GNAS: variants seen among roughly 807,000 people sequenced by gnomAD.
GNAS encodes the protein protein ALEX.
A neutral mutation model predicts 54.5 loss-of-function variants in GNAS; 8 were observed. That is an observed-to-expected ratio of 0.15 (90% CI 0.09 to 0.26). The LOEUF is 0.26. Among genes scored for constraint, GNAS ranks in the 10% least tolerant of loss-of-function variants. The pLI is 1.00. For synonymous variants in GNAS, 204 were observed against 191.4 expected, an observed-to-expected ratio of 1.07 and a Z score of -0.54; for missense variants, 170 against 529.8, an observed-to-expected ratio of 0.32 and a Z score of 6.67.
intron 1 of GNAS, among the ~76,000 whole-genome samples, chr20:58,869,226 A>G (rs1052481417): frequency 6.6e-6 from 1 of 152,198 alleles, no homozygotes; most frequent in Non-Finnish European, 1.5e-5. Flanking sequence ...AGTTTTTCTC[A>G]ATTGAAAAAA....
Position 58,841,507 on chromosome 20 carries a change from G to T in GNAS, c.43+621G>T. 1.0e-6 allele frequency: 1 copy of T among 991,910 alleles called. No homozygotes were observed. Among genetic ancestry groups the T allele is most frequent in the Non-Finnish European group, 1.2e-6 (1 of 834,626 alleles). 61.4% of individuals were successfully genotyped at this position (991,910 alleles called of 1,614,324 possible). A position where few individuals can be genotyped will look rare whatever the true frequency, so the allele number is the denominator to read the frequency against. On this transcript the variant is annotated intron_variant, in intron 1 of 12. Transcript: ENST00000306090. The surrounding 1 kb of genome is among the most constrained non-coding windows in gnomAD (Gnocchi z 5.0). Reference sequence around the variant, plus strand: ...CCCAGAGCTGACAATTAAGCCGCGGGACCTCCGCGCCAGTGCCTCCAGCTG... The same window carrying T: ...CCCAGAGCTGACAATTAAGCCGCGGTACCTCCGCGCCAGTGCCTCCAGCTG...
chr20:58,840,123 G>T, upstream of GNAS: 1 of 1,611,362 alleles, frequency 6.2e-7, no homozygotes. The surrounding 1 kb of genome is among the most constrained non-coding windows in gnomAD (Gnocchi z 6.0). Context: ...CGGAGGTCCC[G>T]GGCTCAGCAG....
rs73129570 is a variant in GNAS at position 58,868,874 on chromosome 20, A to G, written c.44-26738A>G. On this transcript the variant is annotated intron_variant, in intron 1 of 12. Coordinates refer to the GNAS transcript ENST00000306090. The stretch of plus-strand genomic sequence containing the variant: ...GGAAACAATGAAAGAAAGCAAGGCT[A>G]CTCAGAACCGGCTGGCAGATGGCGC... 9.0e-3 allele frequency among the ~76,000 whole-genome samples: 1,378 copies of G among 152,298 alleles called. 12 individuals carry two copies. The highest frequency in any genetic ancestry group is 0.015 in the Non-Finnish European group (1,009 of 68,024).
intron 1 of GNAS, 85 bp downstream of exon 1, chr20:58,891,950 G>A (rs1454129322): frequency 3.6e-6 from 3 of 844,726 alleles, no homozygotes; most frequent in Admixed American, 6.4e-5. Context: ...CCCGCCCCCC[G>A]CCCCGGGCGC....
intron 2 of GNAS, among the ~76,000 whole-genome samples, chr20:58,896,104 C>T (rs571599340): frequency 6.6e-6 from 1 of 152,302 alleles, no homozygotes; most frequent in Admixed American, 6.5e-5. Flanking sequence ...CCCCACCCCA[C>T]CTCACGCAGA....
chr20:58,883,044 AG>A (rs1307810462), intron 1 of GNAS: 1 of 152,104 alleles, frequency 6.6e-6, no homozygotes, highest in Non-Finnish European at 1.5e-5. Context: ...GAAAAAAAAA[AG>A]TTCGTCATTA....
intron 1 of GNAS, chr20:58,843,486 G>A (rs1162817825): frequency 6.6e-6 from 1 of 152,254 alleles, no homozygotes; most frequent in African/African-American, 2.4e-5. Context: ...CTGGCCCTTT[G>A]CCCCACCCTG....
Position 58,853,280 on chromosome 20 carries a change from C to T in GNAS, c.43+12394C>T. Reference sequence around the variant, plus strand: ...GCCACCGTGTTATGGGCGTGCGCAACTGCCTCTACGGCAATAATATGTCAG... The same window carrying T: ...GCCACCGTGTTATGGGCGTGCGCAATTGCCTCTACGGCAATAATATGTCAG... On this transcript the variant is annotated intron_variant, in intron 1 of 12. Transcript: ENST00000306090. The surrounding 1 kb of genome is among the most constrained non-coding windows in gnomAD (Gnocchi z 4.4). 2 of 1,547,638 alleles carry T rather than the reference C, an allele frequency of 1.3e-6. No individual in the cohort carries two copies. Among genetic ancestry groups the T allele is most frequent in the Non-Finnish European group, 1.7e-6 (2 of 1,144,688 alleles).
chr20:58,878,876 T>G (rs1272122186), intron 1 of GNAS, among the ~76,000 whole-genome samples: 1 of 145,192 alleles, frequency 6.9e-6, no homozygotes, highest in Non-Finnish European at 1.5e-5. Context: ...AGAAAGAGTT[T>G]TAATGCAGAG....
intron 3 of GNAS, 35 bp from the exon 4 acceptor site, chr20:58,903,496 A>G (rs1569015157): frequency 6.4e-7 from 1 of 1,551,730 alleles, no homozygotes; most frequent in Non-Finnish European, 8.9e-7. Flanking sequence ...GACATGGTGC[A>G]ATATGATTTT....
rs968287079 is a variant in GNAS, at chr20:58,863,372, G to T, written c.43+22486G>T. On this transcript the variant is annotated intron_variant, in intron 1 of 12. Coordinates refer to the GNAS transcript ENST00000306090. The surrounding 1 kb of genome is among the most constrained non-coding windows in gnomAD (Gnocchi z 4.1). ...TAAATTCAGGAGTATTTTGACTTGT[G>T]GAGTTCTGCCCACAGAACTGCACAT... Among the ~76,000 whole-genome samples, 1 of 152,054 alleles carries T rather than the reference G, an allele frequency of 6.6e-6. No individual in the cohort carries two copies. Among genetic ancestry groups the T allele is most frequent in the African/African-American group, 2.4e-5 (1 of 41,386 alleles).
rs746087130 is a variant in GNAS at position 58,910,971 on chromosome 20, C to T, written c.*142C>T. On this transcript the variant is annotated 3_prime_UTR_variant, in exon 13 of 13. Coordinates refer to ENST00000371085, the MANE Select transcript of GNAS (RefSeq NM_000516.7). The surrounding 1 kb of genome is among the most constrained non-coding windows in gnomAD (Gnocchi z 5.8). ...TTCCCCCGAGTGATTTTGCGAAACC[C>T]CCTTTTCCCTTCAGCTTGCTTAGAT... The T allele has an allele frequency of 8.5e-6, 7 of 821,820 alleles. No homozygotes were observed. The highest frequency in any genetic ancestry group is 1.4e-5 in the Non-Finnish European group (7 of 494,386). The allele number at this position is 821,820 out of a possible 1,614,324, so 50.9% of individuals were successfully genotyped here.
At chr20:58,860,719 T>C (rs1172923970) in intron 1 of GNAS, among the ~76,000 whole-genome samples, 1 of 152,172 alleles carries the variant, frequency 6.6e-6, no homozygotes, top group Non-Finnish European at 1.5e-5. Context: ...TGGAGTGCAG[T>C]GGTACTATCT....
intron 1 of GNAS, among the ~76,000 whole-genome samples, chr20:58,868,403 C>T (rs2087199014): frequency 1.3e-5 from 2 of 152,052 alleles, no homozygotes; most frequent in Non-Finnish European, 2.9e-5. Context: ...ATCCGCCCAC[C>T]TTGGCCTCCC....
chr20:58,899,952 A>G (rs2090457577), intron 3 of GNAS: 1 of 717,844 alleles, frequency 1.4e-6, no homozygotes, highest in Non-Finnish European at 2.6e-6. Flanking sequence ...CTTTTAGAAT[A>G]TAATATCCCT....
chr20:58,853,813 A>G lies in GNAS; in HGVS notation c.43+12927A>G. 1 of 1,604,978 alleles carries G rather than the reference A, an allele frequency of 6.2e-7. No homozygotes were observed. The highest frequency in any genetic ancestry group is 8.5e-7 in the Non-Finnish European group (1 of 1,176,156). On this transcript the variant is annotated intron_variant, in intron 1 of 12. Transcript: ENST00000306090. The surrounding 1 kb of genome is among the most constrained non-coding windows in gnomAD (Gnocchi z 4.4). Reference sequence around the variant, plus strand: ...AGTCAACTTCTCTTACAGGTCCCAGACCTTGCTCCAGGAGGCCCAGGTGCT... The same window carrying G: ...AGTCAACTTCTCTTACAGGTCCCAGGCCTTGCTCCAGGAGGCCCAGGTGCT...
chr20:58,860,077 C>T (rs1013465989), intron 1 of GNAS, among the ~76,000 whole-genome samples: 1 of 152,170 alleles, frequency 6.6e-6, no homozygotes, highest in East Asian at 1.9e-4. Context: ...CTTAAAATCC[C>T]TTGCCAAATG....
chr20:58,889,475 C>T (rs1568969939), upstream of GNAS: 2 of 367,670 alleles, frequency 5.4e-6, no homozygotes, highest in South Asian at 1.1e-4. Flanking sequence ...GGGGCGCCTC[C>T]GGGCACCCCC....
In GNAS at chr20:58,873,850, G is replaced by A. The variant is rs147985841; in HGVS notation, c.44-21762G>A. Among the ~76,000 whole-genome samples, 4 of 152,260 alleles carry A rather than the reference G, an allele frequency of 2.6e-5. No individual in the cohort carries two copies. The highest frequency in any genetic ancestry group is 2.1e-4 in the South Asian group (1 of 4,820). On this transcript the variant is annotated intron_variant, in intron 1 of 12. Transcript: ENST00000306090. The surrounding 1 kb of genome is among the most constrained non-coding windows in gnomAD (Gnocchi z 4.3). ...CAAGAGTGGGCAGTCTCTGCTAAGC[G>A]ATTACACAGGGAATAAATAAGGAAA...
Sources: gnomAD v4.1 joint callset for allele counts (sites outside exome capture counted in the v4.1 genomes callset) on GRCh38, gnomAD v4.1.1 for gene constraint, Gnocchi (gnomAD v3.1) non-coding constraint, MANE v1.5 for transcripts, NCBI Gene and HGNC (gene_info 2026-07-23, HGNC 2026-07-21) for gene names.